The following GRIP2 variants were observed in gnomAD, a reference collection of about 807,000 sequenced individuals.
GRIP2 encodes glutamate receptor-interacting protein 2.
Under a neutral mutation model 108.3 loss-of-function variants are expected in GRIP2, and 58 were observed. The observed-to-expected ratio is 0.54, with a 90% CI of 0.43 to 0.67. The LOEUF (loss-of-function observed/expected upper bound fraction) is 0.67, where lower values mean the gene tolerates loss of function less well. Among genes scored for constraint, GRIP2 ranks in the 30% least tolerant of loss-of-function variants. The pLI is 0.00. For missense variants in GRIP2, 1,278 were observed against 1,430.6 expected (o/e 0.89, Z 1.72); for synonymous variants, 586 against 598.2 (o/e 0.98, Z 0.30).
chr3:14,560,995 G>T (rs1695306867), upstream of GRIP2, among the ~76,000 whole-genome samples: 1 of 152,222 alleles, frequency 6.6e-6, no homozygotes, highest in Non-Finnish European at 1.5e-5. Flanking sequence ...AGCTGGATAT[G>T]AATTACTTTG....
At chr3:14,564,203 T>C in the GRIP2 span, among the ~76,000 whole-genome samples, 21 of 152,342 alleles carry the variant, frequency 1.4e-4, no homozygotes, top group South Asian at 6.2e-4. Flanking sequence ...AGGTGGCATG[T>C]CTGTTAATAT....
intron 8 of GRIP2, 24 bp from the exon 9 acceptor site, chr3:14,520,303 C>A: frequency 6.2e-7 from 1 of 1,611,796 alleles, no homozygotes. Flanking sequence ...GGAGTGAAGG[C>A]GGAGGCTGGT....
chr3:14,496,841 C>T (rs1309501541), intron 21 of GRIP2, among the ~76,000 whole-genome samples: 1 of 152,188 alleles, frequency 6.6e-6, no homozygotes, highest in African/African-American at 2.4e-5. Flanking sequence ...ATTTTATTCT[C>T]TACAGTACAA....
At chr3:14,571,685 A>C in the GRIP2 span, among the ~76,000 whole-genome samples, 1 of 152,204 alleles carries the variant, frequency 6.6e-6, no homozygotes, top group Non-Finnish European at 1.5e-5. Flanking sequence ...GGCTCACTGT[A>C]GGGAACATGA....
At chr3:14,543,869 GA>G (rs1317831736), upstream of GRIP2, among the ~76,000 whole-genome samples, 1 of 152,234 alleles carries the variant, frequency 6.6e-6, no homozygotes, top group African/African-American at 2.4e-5. Context: ...ATTCCTGTGT[GA>G]TCGGGGCACT....
At chr3:14,534,859 A>G (rs968962213) in intron 1 of GRIP2, among the ~76,000 whole-genome samples, 2 of 152,242 alleles carry the variant, frequency 1.3e-5, no homozygotes, top group South Asian at 4.1e-4. Flanking sequence ...GCTTTGACAA[A>G]GGGAAAAGGA....
At chr3:14,525,659 G>A (rs992868384) in intron 2 of GRIP2, 87 bp from the exon 3 acceptor site, 2 of 1,518,452 alleles carry the variant, frequency 1.3e-6, no homozygotes, top group African/African-American at 1.4e-5. Flanking sequence ...CGAGCACCTG[G>A]TTGGTAGGGC....
chr3:14,567,232 C>G, the GRIP2 span, among the ~76,000 whole-genome samples: 2 of 152,124 alleles, frequency 1.3e-5, no homozygotes, highest in African/African-American at 4.8e-5. Flanking sequence ...CTCTTGGTTC[C>G]AAACACCCTT....
At position 14,491,063 on chromosome 3, in the gene GRIP2, T is replaced by C. The variant is rs1344662817; in HGVS notation, c.*2602A>G. ...GATGATGGAAGCAAATGGCAAACTT[T>C]TTGAATTAATGAATCATCAAAAGCA... On this transcript the variant is annotated 3_prime_UTR_variant, in exon 24 of 24. Transcript: ENST00000621039. 6.6e-6 allele frequency: 1 copy of C among 152,234 alleles called. No individual in the cohort carries two copies. The highest frequency in any genetic ancestry group is 2.4e-5 in the African/African-American group (1 of 41,452). 9.4% of individuals were successfully genotyped at this position (152,234 alleles called of 1,614,324 possible). A position where few individuals can be genotyped will look rare whatever the true frequency, so the allele number is the denominator to read the frequency against.
chr3:14,570,544 G>A, the GRIP2 span, among the ~76,000 whole-genome samples: 2 of 152,180 alleles, frequency 1.3e-5, no homozygotes, highest in South Asian at 4.1e-4. Context: ...TTTTACGTTT[G>A]GAAACAAACA....
Position 14,489,843 on chromosome 3 carries a change from A to C in GRIP2, c.*3822T>G, listed in dbSNP as rs1701289844. The C allele has an allele frequency of 6.6e-6, 1 of 152,082 alleles. No homozygotes were observed. The highest frequency in any genetic ancestry group is 2.4e-5 in the African/African-American group (1 of 41,350). The allele number at this position is 152,082 out of a possible 1,614,324, so 9.4% of individuals were successfully genotyped here. ...TGGGGGAAAGGGTAGAGGGGGAGCA[A>C]ACCTGATTGCCCTTCTCCCACTCCC... On this transcript the variant is annotated 3_prime_UTR_variant, in exon 24 of 24. Transcript: ENST00000621039.
At chr3:14,600,816 T>C in the GRIP2 span, among the ~76,000 whole-genome samples, 2 of 152,208 alleles carry the variant, frequency 1.3e-5, no homozygotes, top group Non-Finnish European at 2.9e-5. Flanking sequence ...TCTGATTTAG[T>C]GCGGAGCTCA....
chr3:14,506,390 G>C (rs1693928202), intron 19 of GRIP2, among the ~76,000 whole-genome samples: 2 of 152,178 alleles, frequency 1.3e-5, no homozygotes, highest in African/African-American at 4.8e-5. Context: ...CCCCACATCC[G>C]GTCTTGTAGG....
chr3:14,573,437 G>T, the GRIP2 span: 1 of 1,448,540 alleles, frequency 6.9e-7, no homozygotes, highest in Non-Finnish European at 9.7e-7. Flanking sequence ...TGTGCAGGAA[G>T]AGGGACAGCC....
chr3:14,495,412 C>T (rs1374616572), intron 22 of GRIP2, among the ~76,000 whole-genome samples: 5 of 151,904 alleles, frequency 3.3e-5, no homozygotes, highest in African/African-American at 9.7e-5. Context: ...TTTTTGTTTT[C>T]GTTTTTGTTT....
At chr3:14,524,319 G>A in intron 4 of GRIP2, 74 bp downstream of exon 4, 4 of 1,508,570 alleles carry the variant, frequency 2.7e-6, no homozygotes, top group Non-Finnish European at 3.6e-6. Context: ...TGCCACCCAG[G>A]CCCTGGTGGG....
chr3:14,534,301 C>T (rs1331408010), intron 1 of GRIP2, among the ~76,000 whole-genome samples: 3 of 152,150 alleles, frequency 2.0e-5, no homozygotes, highest in African/African-American at 7.2e-5. Context: ...CTCCAGCTGG[C>T]CAGAGCTTGA....
chr3:14,493,669 A>G lies in GRIP2; in HGVS notation c.3128T>C (p.Leu1043Pro). The change falls in exon 24 of 24, where the codon CTC (leucine) becomes CCC (proline). Residue 1043 changes from leucine (L) to proline (P), a missense_variant. By Grantham distance (98) the Leu-to-Pro change is moderately conservative (BLOSUM62 -3). Coordinates refer to ENST00000621039, the MANE Select transcript of GRIP2 (RefSeq NM_001080423.4). ...AGTTCGGCCCACATGCTGACTTCAG[A>G]GCATCCGGGGACTGCTGGGGCCTGG... ...RSPGPSSPRM[L>P] 1 of 1,599,470 alleles carries G rather than the reference A, an allele frequency of 6.3e-7. No individual in the cohort carries two copies. Among genetic ancestry groups the G allele is most frequent in the Non-Finnish European group, 8.5e-7 (1 of 1,173,236 alleles).
chr3:14,600,255 T>C, the GRIP2 span, among the ~76,000 whole-genome samples: 10 of 152,296 alleles, frequency 6.6e-5, no homozygotes, highest in African/African-American at 2.2e-4. Flanking sequence ...AAATCAGATA[T>C]AATAATCAAG....
Sources: gnomAD v4.1 joint callset for allele counts (sites outside exome capture counted in the v4.1 genomes callset) on GRCh38, gnomAD v4.1.1 for gene constraint, MANE v1.5 for transcripts, NCBI Gene and HGNC (gene_info 2026-07-23, HGNC 2026-07-21) for gene names.